The following ADCY9 variants were observed in gnomAD, a reference collection of about 807,000 sequenced individuals.
ADCY9 encodes the protein adenylate cyclase type 9.
In ADCY9, 50 loss-of-function variants were observed where a neutral mutation model predicts 101.5. The ratio of observed to expected loss-of-function variants is 0.49; its 90% CI spans 0.39 to 0.62. The LOEUF is 0.62. Among genes scored for constraint, ADCY9 ranks in the 20% least tolerant of loss-of-function variants. ADCY9 has a pLI of 0.00. For synonymous variants in ADCY9, 905 were observed against 769.3 expected (o/e 1.18, Z -2.92); for missense variants, 1,662 against 1,800.4 (o/e 0.92, Z 1.39).
chr16:4,067,074 A>G (rs1373765291), intron 2 of ADCY9, among the ~76,000 whole-genome samples: 1 of 152,204 alleles, frequency 6.6e-6, no homozygotes, highest in African/African-American at 2.4e-5. Flanking sequence ...GCCCAGCTCT[A>G]TGAAAGAGTT....
rs554633131 is a variant in ADCY9 at position 3,995,113 on chromosome 16, A to G, written c.1885-1603T>C. Among the ~76,000 whole-genome samples the G allele has an allele frequency of 3.3e-5, 5 of 152,280 alleles. No homozygotes were observed. The South Asian group carries it at 6.2e-4, about 19-fold the overall frequency. ...TTTACCTCAGTTCCCTCATCTATAA[A>G]CAAAGAGTGAAGATATGTTGCTAAG... On this transcript the variant is annotated intron_variant, in intron 3 of 10. Coordinates refer to ENST00000294016, the MANE Select transcript of ADCY9 (RefSeq NM_001116.4).
chr16:4,020,439 GTATT>G (rs1173353753), intron 2 of ADCY9, among the ~76,000 whole-genome samples: 21 of 152,238 alleles, frequency 1.4e-4, no homozygotes, highest in Non-Finnish European at 2.8e-4. Context: ...AAACCAGTAA[GTATT>G]CACTGTTATT....
intron 2 of ADCY9, among the ~76,000 whole-genome samples, chr16:4,040,317 C>T (rs1251641999): frequency 6.6e-6 from 1 of 152,142 alleles, no homozygotes; most frequent in Non-Finnish European, 1.5e-5. Flanking sequence ...TTTTTCTTTC[C>T]TTCCTTTTAA....
intron 2 of ADCY9, among the ~76,000 whole-genome samples, chr16:4,108,472 C>T (rs576940168): frequency 7.3e-6 from 1 of 137,874 alleles, no homozygotes; most frequent in South Asian, 2.3e-4. Flanking sequence ...CTCCTGGGTT[C>T]GAACGATTCT....
downstream of ADCY9, among the ~76,000 whole-genome samples, chr16:3,958,673 C>CTTTTTTTTTTTTTTTTT (rs1207846349): frequency 3.9e-5 from 4 of 103,024 alleles, no homozygotes; most frequent in African/African-American, 1.2e-4. Flanking sequence ...TCGTCGGTTA[C>CTTTTTTTTTTTTTTTTT]TTTTTTTTTT....
rs151174859 is a variant in ADCY9, at chr16:4,053,644, A to T, written c.1694-46086T>A. 6.7e-3 allele frequency among the ~76,000 whole-genome samples: 1,002 copies of T among 150,462 alleles called. 7 individuals are homozygous for T. The highest frequency in any genetic ancestry group is 0.022 in the African/African-American group (912 of 40,792). Reference sequence around the variant, plus strand: ...TTTGGAGACTGAAAATAACATTTTTAAAAAACTGCCAACCGGCAAGGTCAC... The same window carrying T: ...TTTGGAGACTGAAAATAACATTTTTTAAAAACTGCCAACCGGCAAGGTCAC... On this transcript the variant is annotated intron_variant, in intron 2 of 10. Coordinates refer to ENST00000294016, the MANE Select transcript of ADCY9 (RefSeq NM_001116.4).
At chr16:4,077,186 C>A (rs989919575) in intron 2 of ADCY9, among the ~76,000 whole-genome samples, 2 of 152,190 alleles carry the variant, frequency 1.3e-5, no homozygotes, top group Admixed American at 1.3e-4. Context: ...AAGCCCTATA[C>A]AGGGAAGTTA....
intron 2 of ADCY9, among the ~76,000 whole-genome samples, chr16:4,017,126 T>C (rs1012817036): frequency 2.0e-5 from 3 of 150,986 alleles, no homozygotes; most frequent in African/African-American, 4.8e-5. Context: ...ACTGTGTCAC[T>C]ATGCTCCAGC....
Position 3,992,169 on chromosome 16 carries a change from A to G in ADCY9, c.2184T>C (p.Phe728=). The part of the protein sequence containing the change: ...KNIREKTDAH[F]VDVIKEDSLM... ...ACCTGTCTTCTTTGATAACGTCCAC[A>G]AAGTGGGCGTCCGTTTTCTCCCGGA... is the stretch of plus-strand genomic sequence containing the variant. The change falls in exon 5 of 11, where the codon TTT becomes TTC. Residue 728 remains phenylalanine, a synonymous_variant. Coordinates refer to ENST00000294016, the MANE Select transcript of ADCY9 (RefSeq NM_001116.4). This position sits in a 1 kb window ranked among gnomAD's most constrained non-coding sequence, Gnocchi z 4.2. The G allele has an allele frequency of 6.2e-7, 1 of 1,614,174 alleles. No homozygotes were observed.
intron 10 of ADCY9, among the ~76,000 whole-genome samples, chr16:3,971,744 C>T (rs1007361761): frequency 3.9e-5 from 6 of 152,018 alleles, no homozygotes; most frequent in African/African-American, 1.4e-4. Flanking sequence ...AGAACAGTCC[C>T]CTTTAGGAGC....
intron 5 of ADCY9, among the ~76,000 whole-genome samples, chr16:3,957,204 T>A (rs779731625): frequency 1.6e-4 from 25 of 152,216 alleles, no homozygotes; most frequent in Non-Finnish European, 2.6e-4. Context: ...AAAAACACTG[T>A]GGCCAATGAT....
intron 3 of ADCY9, among the ~76,000 whole-genome samples, chr16:4,004,784 C>T (rs2056356154): frequency 6.6e-6 from 1 of 152,132 alleles, no homozygotes; most frequent in Admixed American, 6.6e-5. Context: ...GACGAGGGAA[C>T]AGCGTTATCA....
chr16:4,035,021 C>T (rs1401421577), intron 2 of ADCY9, among the ~76,000 whole-genome samples: 1 of 152,238 alleles, frequency 6.6e-6, no homozygotes, highest in Admixed American at 6.5e-5. Context: ...AAGTTTATGA[C>T]AACCTGCTGT....
intron 2 of ADCY9, among the ~76,000 whole-genome samples, chr16:4,075,564 C>A (rs1187168729): frequency 6.6e-6 from 1 of 152,182 alleles, no homozygotes; most frequent in African/African-American, 2.4e-5. Flanking sequence ...TGTACCCGGT[C>A]CCATGTGTGC....
intron 2 of ADCY9, among the ~76,000 whole-genome samples, chr16:4,072,975 A>G (rs986525208): frequency 7.2e-6 from 1 of 139,712 alleles, no homozygotes. Flanking sequence ...TTTTCAACAC[A>G]AACCTTCATA....
downstream of ADCY9, among the ~76,000 whole-genome samples, chr16:3,962,142 A>G (rs2055943937): frequency 6.6e-6 from 1 of 152,206 alleles, no homozygotes; most frequent in Non-Finnish European, 1.5e-5. Flanking sequence ...GTGAACTCCC[A>G]AGAAGTGTAG....
intron 3 of ADCY9, among the ~76,000 whole-genome samples, chr16:4,003,630 T>C (rs949661084): frequency 2.1e-4 from 31 of 148,768 alleles, no homozygotes; most frequent in Non-Finnish European, 4.3e-4. Context: ...AGTGGCATCA[T>C]CACAGCTCAC....
At chr16:4,076,704 G>C (rs2056869396) in intron 2 of ADCY9, among the ~76,000 whole-genome samples, 1 of 152,198 alleles carries the variant, frequency 6.6e-6, no homozygotes, top group African/African-American at 2.4e-5. Flanking sequence ...GTTTCAAAGA[G>C]AACCAAATGG....
Position 3,983,227 on chromosome 16 carries a change from C to T in ADCY9, c.2519+5G>A, listed in dbSNP as rs1488291629. On this transcript the variant is annotated splice_donor_5th_base_variant and intron_variant, in intron 7 of 10. Transcript: ENST00000294016. ...AGCTGGAGACCCAGTCCACGCGGCG[C>T]TTACCTGATGGACACCGCGAGGGAC... 6.5e-7 allele frequency: 1 copy of T among 1,548,410 alleles called. No individual in the cohort carries two copies. The highest frequency in any genetic ancestry group is 1.4e-5 in the African/African-American group (1 of 73,144).
Sources: allele counts gnomAD v4.1 joint callset (sites outside exome capture counted in the v4.1 genomes callset), GRCh38; gene constraint gnomAD v4.1.1; non-coding constraint Gnocchi (gnomAD v3.1); transcripts MANE v1.5; gene names NCBI Gene and HGNC (gene_info 2026-07-23, HGNC 2026-07-21).